The following TNRC6A variants were observed in gnomAD, a reference collection of about 807,000 sequenced individuals.
The protein encoded by TNRC6A is trinucleotide repeat containing adaptor 6A, also known as trinucleotide repeat-containing gene 6A protein.
Under a neutral mutation model 221.2 loss-of-function variants are expected in TNRC6A, and 44 were observed. The ratio of observed to expected loss-of-function variants is 0.20; its 90% confidence interval spans 0.16 to 0.26. The LOEUF is 0.26. Ranked by LOEUF, TNRC6A falls within the 10% of genes least tolerant of loss-of-function variation. The probability of loss-of-function intolerance (pLI) is 1.00; values close to 1 mark genes in which losing one functional copy is unlikely to be tolerated. For missense variants in TNRC6A, 2,199 were observed against 2,404.4 expected (o/e 0.91, Z 1.79); for synonymous variants, 847 against 838.5 (o/e 1.01, Z -0.18).
In TNRC6A at chr16:24,804,325, GTTTTTTACTTTTACCTC is replaced by G. The variant is rs778297544; in HGVS notation, c.3837+8_3837+24del. The G allele has an allele frequency of 1.4e-5, 23 of 1,609,126 alleles. No individual in the cohort carries two copies. The highest frequency in any genetic ancestry group is 1.7e-4 in the Middle Eastern group (1 of 6,050). On this transcript the variant is annotated splice_region_variant and intron_variant, in intron 12 of 24. Transcript: ENST00000395799. ...GCAATCCTTATTTTGATAAGGTAAG[GTTTTTTACTTTTACCTC>G]TGACTTGATAAACCAGTATACTTCA...
chr16:24,783,745 T>G (rs1260945346), intron 5 of TNRC6A, among the ~76,000 whole-genome samples: 1 of 152,182 alleles, frequency 6.6e-6, no homozygotes, highest in African/African-American at 2.4e-5. Context: ...GCACAGAGAT[T>G]AACTATTTCT....
rs550073029 is a variant in TNRC6A, at chr16:24,820,109, C to A, written c.5081-30C>A. 82 of 1,578,090 alleles carry A rather than the reference C, an allele frequency of 5.2e-5. 1 individual carries two copies. Among genetic ancestry groups the A allele is most frequent in the South Asian group, 2.0e-4 (18 of 90,340 alleles). On this transcript the variant is annotated intron_variant, in intron 21 of 24. Coordinates refer to ENST00000395799, the MANE Select transcript of TNRC6A (RefSeq NM_014494.4). ...TCCTCCTTTCTTAAACATTATTCCT[C>A]CCCTCTCCATTTTTTCCCCCTTTGA...
At chr16:24,680,633 C>T (rs984300916) in intron 2 of TNRC6A, among the ~76,000 whole-genome samples, 50 of 150,198 alleles carry the variant, frequency 3.3e-4, no homozygotes, top group African/African-American at 1.2e-3. Context: ...GGAAGAATCA[C>T]TTGAACCTGG....
chr16:24,717,825 G>A (rs1204262127), intron 2 of TNRC6A, among the ~76,000 whole-genome samples: 1 of 136,630 alleles, frequency 7.3e-6, no homozygotes, highest in African/African-American at 2.8e-5. Context: ...AGGCTGGAGT[G>A]CAATGGTGCC....
rs1166358176 is a variant in TNRC6A, at chr16:24,729,669, G to GCGGCGGCGGCGGTGT, written c.-160_-146dup. 1.2e-4 allele frequency: 76 copies of GCGGCGGCGGCGGTGT among 634,894 alleles called. No homozygotes were observed. The highest frequency in any genetic ancestry group is 4.3e-4 in the African/African-American group (20 of 46,034). The allele number at this position is 634,894 out of a possible 1,614,324, so 39.3% of individuals were successfully genotyped here. A position where few individuals can be genotyped will look rare whatever the true frequency, so the allele number is the denominator to read the frequency against. On this transcript the variant is annotated 5_prime_UTR_variant, in exon 1 of 25. Transcript: ENST00000395799. ...GGCATTCACTTCCGGTCTGGGGCCT[G>GCGGCGGCGGCGGTGT]CGGCGGCGGCGGTGTCGGCGGCGGC...
intron 1 of TNRC6A, among the ~76,000 whole-genome samples, chr16:24,615,824 G>A (rs1900311169): frequency 6.6e-6 from 1 of 151,808 alleles, no homozygotes; most frequent in African/African-American, 2.4e-5. Flanking sequence ...CCAGGAGTAT[G>A]AGACAAGCCT....
intron 18 of TNRC6A, among the ~76,000 whole-genome samples, chr16:24,814,023 G>T (rs2152061405): frequency 6.6e-6 from 1 of 152,332 alleles, no homozygotes. Flanking sequence ...TTATAGAACA[G>T]ATGCATAGTT....
At chr16:24,724,419 T>C (rs1402774514) in intron 2 of TNRC6A, among the ~76,000 whole-genome samples, 1 of 152,204 alleles carries the variant, frequency 6.6e-6, no homozygotes, top group Non-Finnish European at 1.5e-5. Context: ...GACTGGCACA[T>C]ATTAACTTTC....
At chr16:24,758,912 C>T (rs2057306065) in intron 4 of TNRC6A, among the ~76,000 whole-genome samples, 1 of 151,992 alleles carries the variant, frequency 6.6e-6, no homozygotes, top group African/African-American at 2.4e-5. Context: ...GGAAACAGGA[C>T]ACTAATTCCT....
chr16:24,760,879 C>G (rs1343272556), intron 4 of TNRC6A, among the ~76,000 whole-genome samples: 1 of 152,196 alleles, frequency 6.6e-6, no homozygotes, highest in Non-Finnish European at 1.5e-5. Flanking sequence ...AACCATGATA[C>G]TAACCTCACC....
chr16:24,823,379 G>T lies in TNRC6A; in HGVS notation c.5514-53G>T. 6.5e-7 allele frequency: 1 copy of T among 1,542,468 alleles called. No individual in the cohort carries two copies. The highest frequency in any genetic ancestry group is 1.3e-5 in the South Asian group (1 of 79,268). ...GTTGCACCCTCACTTGTGAGTGAAT[G>T]AAGCCCTCCTGGTGTGCTGTCCTCA... is the stretch of plus-strand genomic sequence containing the variant. On this transcript the variant is annotated intron_variant, in intron 24 of 24. Transcript: ENST00000395799. The surrounding 1 kb of genome is among the most constrained non-coding windows in gnomAD (Gnocchi z 4.3).
chr16:24,704,601 G>C (rs1310613057), intron 2 of TNRC6A, among the ~76,000 whole-genome samples: 1 of 137,374 alleles, frequency 7.3e-6, no homozygotes, highest in Non-Finnish European at 1.5e-5. Context: ...GGAGGTGGAG[G>C]TTACAGTGAG....
chr16:24,735,527 A>G (rs961921378), intron 2 of TNRC6A, among the ~76,000 whole-genome samples: 2 of 152,216 alleles, frequency 1.3e-5, no homozygotes, highest in Admixed American at 6.5e-5. Flanking sequence ...TACCAACCCA[A>G]TATGCTTTTT....
chr16:24,756,557 A>G (rs2057256015), intron 3 of TNRC6A, among the ~76,000 whole-genome samples: 1 of 152,220 alleles, frequency 6.6e-6, no homozygotes, highest in Non-Finnish European at 1.5e-5. Flanking sequence ...AGAATACTGA[A>G]TGAGGTTGAC....
At chr16:24,817,072 G>T (rs539648349) in intron 20 of TNRC6A, 116 bp downstream of exon 20, 2 of 1,111,984 alleles carry the variant, frequency 1.8e-6, no homozygotes, top group Non-Finnish European at 2.4e-6. Context: ...GATCACTTGA[G>T]CCCAGGAGCT....
chr16:24,706,979 T>TTTTATTTATTTA lies in TNRC6A; in HGVS notation n.403-43738_403-43737insTTATTTATTTAT, dbSNP rs762561225. Among the ~76,000 whole-genome samples, 609 of 140,502 alleles carry TTTTATTTATTTA rather than the reference T, an allele frequency of 4.3e-3. 6 individuals carry two copies. The highest frequency in any genetic ancestry group is 0.016 in the African/African-American group (585 of 35,898). The allele number at this position is 140,502 out of a possible 152,430, so 92.2% of individuals were successfully genotyped here. On this transcript the variant is annotated intron_variant and non_coding_transcript_variant, in intron 2 of 2. Coordinates refer to the TNRC6A transcript ENST00000566108. ...ACGATGTATTTATTTATTTATCTAT[T>TTTTATTTATTTA]TTTATTTATGTATTTATTTATTTAT...
chr16:24,795,339 A>G (rs917281509), intron 8 of TNRC6A, among the ~76,000 whole-genome samples: 1 of 152,128 alleles, frequency 6.6e-6, no homozygotes. Context: ...TCTTATCCTA[A>G]AGAAACTCCT....
intron 2 of TNRC6A, among the ~76,000 whole-genome samples, chr16:24,742,425 A>G (rs2056911308): frequency 6.6e-6 from 1 of 151,884 alleles, no homozygotes; most frequent in South Asian, 2.1e-4. Context: ...TTAAAGGAAA[A>G]GTAACATATG....
chr16:24,805,574 A>G, intron 14 of TNRC6A, 31 bp from the exon 15 acceptor site: 1 of 1,612,544 alleles, frequency 6.2e-7, no homozygotes, highest in Non-Finnish European at 8.5e-7. Context: ...TTATTTTATC[A>G]AGATCATTAA....
Sources: allele counts gnomAD v4.1 joint callset (sites outside exome capture counted in the v4.1 genomes callset), GRCh38; gene constraint gnomAD v4.1.1; non-coding constraint Gnocchi (gnomAD v3.1); transcripts MANE v1.5; gene names NCBI Gene and HGNC (gene_info 2026-07-23, HGNC 2026-07-21).